LYST: variants seen among roughly 807,000 people sequenced by gnomAD.
LYST encodes lysosomal trafficking regulator, also known as lysosomal-trafficking regulator.
In LYST, 192 loss-of-function variants were observed where a neutral mutation model predicts 413.6. The observed-to-expected ratio is 0.46, with a 90% CI of 0.41 to 0.52. The LOEUF is 0.52. Ranked by LOEUF, LYST falls within the 20% of genes least tolerant of loss-of-function variation. LYST has a pLI of 0.00. For synonymous variants in LYST, 1,525 were observed against 1,567.3 expected, an observed-to-expected ratio of 0.97 and a Z score of 0.64; for missense variants, 3,815 against 4,499.9, an observed-to-expected ratio of 0.85 and a Z score of 4.35.
intron 46 of LYST, among the ~76,000 whole-genome samples, chr1:235,696,034 A>AT (rs1279290185): frequency 6.6e-6 from 1 of 152,204 alleles, no homozygotes; most frequent in African/African-American, 2.4e-5. Context: ...TAATTGTAAC[A>AT]TACTAGTAAG....
chr1:235,665,788 C>T (rs1345732699), intron 50 of LYST, among the ~76,000 whole-genome samples: 2 of 151,992 alleles, frequency 1.3e-5, no homozygotes, highest in Non-Finnish European at 2.9e-5. Flanking sequence ...TCAAAGATTA[C>T]AGAGTAACCA....
chr1:235,812,342 T>A lies in LYST; in HGVS notation c.283+629A>T, dbSNP rs1234049213. The stretch of plus-strand genomic sequence containing the variant: ...AACATGGTGAAATCCCATCTGTATG[T>A]ACTAAAATGCAAAAATTAGTCTGGC... On this transcript the variant is annotated intron_variant, in intron 4 of 52. Coordinates refer to ENST00000389793, the MANE Select transcript of LYST (RefSeq NM_000081.4). 5.3e-5 allele frequency among the ~76,000 whole-genome samples: 8 copies of A among 151,854 alleles called. No homozygotes were observed. The East Asian group carries it at 1.6e-3, about 29-fold the overall frequency.
intron 37 of LYST, 129 bp downstream of exon 37, chr1:235,729,465 CAA>C: frequency 1.4e-6 from 1 of 695,696 alleles, no homozygotes; most frequent in South Asian, 1.5e-5. Context: ...AATGTTAAGG[CAA>C]ATTAGCCTAT....
intron 1 of LYST, among the ~76,000 whole-genome samples, chr1:235,849,832 T>G (rs2145785): frequency 6.8e-6 from 1 of 147,436 alleles, no homozygotes; most frequent in Non-Finnish European, 1.5e-5. Context: ...AATTGAAAGA[T>G]CTCTACAAGG....
At chr1:235,877,566 C>T (rs573832581) in intron 1 of LYST, among the ~76,000 whole-genome samples, 36 of 152,098 alleles carry the variant, frequency 2.4e-4, no homozygotes, top group Non-Finnish European at 5.0e-4. Flanking sequence ...ACCACCACAT[C>T]CGGCTAATTT....
chr1:235,756,070 T>C (rs1435807296), intron 24 of LYST, among the ~76,000 whole-genome samples: 1 of 148,028 alleles, frequency 6.8e-6, no homozygotes, highest in Non-Finnish European at 1.5e-5. Context: ...TCTGTATCTA[T>C]ATCTATCCTA....
intron 1 of LYST, among the ~76,000 whole-genome samples, chr1:235,839,195 TA>T (rs1190623853): frequency 6.6e-6 from 1 of 152,114 alleles, no homozygotes; most frequent in African/African-American, 2.4e-5. Flanking sequence ...CTCATTATTC[TA>T]CCAGGACTGT....
At chr1:235,874,164 T>C (rs1681045030) in intron 1 of LYST, among the ~76,000 whole-genome samples, 1 of 152,228 alleles carries the variant, frequency 6.6e-6, no homozygotes, top group Non-Finnish European at 1.5e-5. Flanking sequence ...TACCATTCTA[T>C]AAACACCACA....
At chr1:235,807,989 A>G (rs1673053410) in intron 5 of LYST, among the ~76,000 whole-genome samples, 3 of 152,232 alleles carry the variant, frequency 2.0e-5, no homozygotes, top group Admixed American at 2.0e-4. Context: ...AGATATTATA[A>G]TCATTTTCTC....
chr1:235,728,504 T>G (rs1190264776), intron 37 of LYST, among the ~76,000 whole-genome samples: 1 of 152,232 alleles, frequency 6.6e-6, no homozygotes, highest in Non-Finnish European at 1.5e-5. Context: ...TGTTCCACAC[T>G]AATTGAAGTC....
chr1:235,794,157 A>T (rs947676953), intron 10 of LYST, among the ~76,000 whole-genome samples: 2 of 152,168 alleles, frequency 1.3e-5, no homozygotes, highest in African/African-American at 4.8e-5. Context: ...TTTCTTGAAG[A>T]TTAATTAGCT....
chr1:235,757,883 GTT>G (rs572690382), intron 23 of LYST, among the ~76,000 whole-genome samples: 40 of 137,730 alleles, frequency 2.9e-4, no homozygotes, highest in African/African-American at 7.1e-4. Flanking sequence ...TATTGGAAAT[GTT>G]TTTTTTTTTT....
rs915277466 is a variant in LYST, at chr1:235,804,452, C to T, written c.3555+52G>A. ...AGCGTCCTAGTGTCATCCCACACTTCCGCCTCTGCTGGTCATACCCAAAGA... is the reference window on the plus strand; with the variant it reads ...AGCGTCCTAGTGTCATCCCACACTTTCGCCTCTGCTGGTCATACCCAAAGA... On this transcript the variant is annotated intron_variant, in intron 7 of 52. Transcript: ENST00000389793. The T allele has an allele frequency of 3.5e-6, 5 of 1,430,926 alleles. No homozygotes were observed. In the East Asian group the frequency reaches 1.1e-4, roughly 33 times the overall value. 88.6% of individuals were successfully genotyped at this position (1,430,926 alleles called of 1,614,324 possible). A position where few individuals can be genotyped will look rare whatever the true frequency, so the allele number is the denominator to read the frequency against.
chr1:235,738,780 G>GA, intron 31 of LYST: 3 of 1,071,368 alleles, frequency 2.8e-6, no homozygotes, highest in Non-Finnish European at 4.4e-6. Flanking sequence ...AGATTTGGCA[G>GA]AAAGTATAAT....
chr1:235,714,048 C>A (rs1406824601), intron 42 of LYST, among the ~76,000 whole-genome samples: 1 of 152,066 alleles, frequency 6.6e-6, no homozygotes, highest in Non-Finnish European at 1.5e-5. Context: ...TGTAGGGGCC[C>A]AAACCACATC....
At chr1:235,675,679 G>A (rs540491728) in intron 50 of LYST, among the ~76,000 whole-genome samples, 33 of 152,230 alleles carry the variant, frequency 2.2e-4, no homozygotes, top group Admixed American at 5.9e-4. Context: ...CTCTTCAGCC[G>A]CTGTTCATTT....
intron 22 of LYST, among the ~76,000 whole-genome samples, chr1:235,760,569 G>A (rs1667486608): frequency 2.0e-5 from 3 of 152,120 alleles, no homozygotes; most frequent in Non-Finnish European, 2.9e-5. Flanking sequence ...TGGTAGCATG[G>A]GCATCAATAC....
rs780694518 is a variant in LYST, at chr1:235,805,760, A to T, written c.3376T>A (p.Leu1126Met). ...GGTATTACCTGATTAGGTAACTCCA[A>T]TTCCATCTTCTGTTGACTAGTTCTG... ...GARTSQQKME[L>M]ELPNQNLSVE... The change falls in exon 6 of 53, where the codon TTG (leucine) becomes ATG (methionine). Residue 1126 changes from leucine (L) to methionine (M), a missense_variant. Leu to Met is a conservative substitution (Grantham distance 15). Transcript: ENST00000389793. 1 of 1,613,276 alleles carries T rather than the reference A, an allele frequency of 6.2e-7. No homozygotes were observed. The highest frequency in any genetic ancestry group is 1.1e-5 in the South Asian group (1 of 91,080).
At chr1:235,732,599 A>G (rs1276564305) in intron 34 of LYST, among the ~76,000 whole-genome samples, 1 of 152,246 alleles carries the variant, frequency 6.6e-6, no homozygotes, top group African/African-American at 2.4e-5. Context: ...GTTCTGAGTA[A>G]GGACAGCTAA....
Sources: gnomAD v4.1 joint callset for allele counts (sites outside exome capture counted in the v4.1 genomes callset) on GRCh38, gnomAD v4.1.1 for gene constraint, MANE v1.5 for transcripts, NCBI Gene and HGNC (gene_info 2026-07-23, HGNC 2026-07-21) for gene names.